BLTP1: variants seen among roughly 807,000 people sequenced by gnomAD.
BLTP1 encodes the protein fragile site-associated protein.
At chr4:122,161,412 T>G in the BLTP1 span, among the ~76,000 whole-genome samples, 6 of 151,648 alleles carry the variant, frequency 4.0e-5, no homozygotes, top group African/African-American at 1.5e-4. Context: ...TGAGAGCCAT[T>G]TTTTTCTTTT....
the BLTP1 span, chr4:122,223,022 A>T: frequency 1.1e-6 from 1 of 887,288 alleles, no homozygotes; most frequent in Non-Finnish European, 1.4e-6. Flanking sequence ...ATTGAGTCTC[A>T]GCGTCAGAAG....
At chr4:122,192,500 C>G in the BLTP1 span, 2 of 688,180 alleles carry the variant, frequency 2.9e-6, no homozygotes, top group Middle Eastern at 4.2e-4. Context: ...GAAGATATCA[C>G]TAAACATTTT....
the BLTP1 span, chr4:122,240,455 C>A: frequency 1.0e-6 from 1 of 968,134 alleles, no homozygotes; most frequent in Non-Finnish European, 1.5e-6. Flanking sequence ...AGCTACCTTT[C>A]TGAGAGAGAG....
the BLTP1 span, among the ~76,000 whole-genome samples, chr4:122,157,271 C>T: frequency 6.6e-6 from 1 of 152,112 alleles, no homozygotes; most frequent in East Asian, 1.9e-4. Flanking sequence ...AATGACTAAA[C>T]TGGGTGCTTC....
the BLTP1 span, chr4:122,249,669 T>C: frequency 6.2e-7 from 1 of 1,613,568 alleles, no homozygotes; most frequent in Non-Finnish European, 8.5e-7. Context: ...GACTTGAAAA[T>C]TTAACCATAA....
the BLTP1 span, among the ~76,000 whole-genome samples, chr4:122,253,606 CAAAAG>C: frequency 4.6e-5 from 7 of 150,772 alleles, no homozygotes; most frequent in African/African-American, 1.2e-4. Flanking sequence ...ATAGAGGAGA[CAAAAG>C]AAAAAAGGAA....
At chr4:122,224,376 C>T in the BLTP1 span, 1 of 1,095,384 alleles carries the variant, frequency 9.1e-7, no homozygotes, top group Non-Finnish European at 1.3e-6. Context: ...CTTGTGGATT[C>T]TGAAACCTTA....
the BLTP1 span, chr4:122,230,079 G>A: frequency 1.1e-5 from 17 of 1,614,028 alleles, no homozygotes; most frequent in Non-Finnish European, 1.4e-5. Flanking sequence ...GTGCTACGGA[G>A]GGCCTATTGG....
chr4:122,264,501 G>C, the BLTP1 span: 2 of 1,337,368 alleles, frequency 1.5e-6, no homozygotes, highest in Non-Finnish European at 2.0e-6. Context: ...ACCTCCAATA[G>C]TACGCACCTT....
chr4:122,345,391 G>A, the BLTP1 span, among the ~76,000 whole-genome samples: 3 of 151,746 alleles, frequency 2.0e-5, no homozygotes, highest in African/African-American at 4.8e-5. Flanking sequence ...ATTCTTGGAG[G>A]TAGCAACATG....
chr4:122,250,427 G>C, the BLTP1 span: 57 of 1,613,854 alleles, frequency 3.5e-5, no homozygotes, highest in Middle Eastern at 3.3e-4. Flanking sequence ...TAGTGACACA[G>C]AAAGGGGTGG....
the BLTP1 span, chr4:122,229,602 C>T: frequency 2.3e-6 from 1 of 439,940 alleles, no homozygotes; most frequent in South Asian, 9.6e-5. Flanking sequence ...ACATTTGTTT[C>T]CCACTCTTTT....
chr4:122,332,795 C>T, the BLTP1 span, among the ~76,000 whole-genome samples: 1 of 124,278 alleles, frequency 8.0e-6, no homozygotes, highest in Non-Finnish European at 1.7e-5. Flanking sequence ...CCCCACCCCC[C>T]ACAGTCCCCA....
At chr4:122,331,940 A>G in the BLTP1 span, 1 of 241,688 alleles carries the variant, frequency 4.1e-6, no homozygotes, top group Non-Finnish European at 6.7e-6. Context: ...ACTGGGAGAC[A>G]GTTACACAGA....
chr4:122,182,965 T>C, the BLTP1 span: 1 of 983,966 alleles, frequency 1.0e-6, no homozygotes, highest in Non-Finnish European at 1.2e-6. Context: ...TTCATACGTG[T>C]ATTCTGGTGA....
chr4:122,336,035 TTAACA>T, the BLTP1 span: 1 of 570,234 alleles, frequency 1.8e-6, no homozygotes, highest in East Asian at 2.9e-5. Context: ...TATTCTAACA[TTAACA>T]TATCATTCCT....
the BLTP1 span, among the ~76,000 whole-genome samples, chr4:122,230,483 T>G: frequency 2.9e-4 from 44 of 152,326 alleles, no homozygotes; most frequent in Non-Finnish European, 5.0e-4. Flanking sequence ...GAAACAAGTT[T>G]AAGTTATGGT....
the BLTP1 span, chr4:122,340,831 A>G: frequency 1.0e-6 from 1 of 956,936 alleles, no homozygotes; most frequent in Middle Eastern, 5.4e-4. Context: ...TTCATTATAG[A>G]AAATGAAAAG....
At chr4:122,179,994 A>G in the BLTP1 span, 1 of 983,662 alleles carries the variant, frequency 1.0e-6, no homozygotes, top group Non-Finnish European at 1.2e-6. Flanking sequence ...ACTTCTTCCA[A>G]AGGCATCCAT....
Sources: gnomAD v4.1 joint callset for allele counts (sites outside exome capture counted in the v4.1 genomes callset) on GRCh38, gnomAD v4.1.1 for gene constraint, MANE v1.5 for transcripts, NCBI Gene and HGNC (gene_info 2026-07-23, HGNC 2026-07-21) for gene names.